The following P2RX3 variants were observed in gnomAD, a reference collection of about 807,000 sequenced individuals.
P2RX3 encodes P2X purinoceptor 3.
A neutral mutation model predicts 51.5 loss-of-function variants in P2RX3; 41 were observed. That is an observed-to-expected ratio of 0.80 (90% CI 0.62 to 1.03). The LOEUF is 1.03. Ranked by LOEUF, P2RX3 falls within the 50% of genes least tolerant of loss-of-function variation. The pLI, the probability that P2RX3 is intolerant of heterozygous loss-of-function variation, is 0.00. For missense variants in P2RX3, 459 were observed against 522.1 expected, an observed-to-expected ratio of 0.88 and a Z score of 1.18; for synonymous variants, 185 against 191.6, an observed-to-expected ratio of 0.97 and a Z score of 0.29.
chr11:57,369,253 A>T, intron 10 of P2RX3, 108 bp from the exon 11 acceptor site: 2 of 884,934 alleles, frequency 2.3e-6, no homozygotes, highest in Non-Finnish European at 3.6e-6. Flanking sequence ...TGTCCTGCCC[A>T]CTGTTTAGGC....
intron 8 of P2RX3, among the ~76,000 whole-genome samples, chr11:57,357,178 AGGCGTGGTG>A (rs199967135): frequency 0.018 from 2,815 of 152,270 alleles, 37 homozygotes; most frequent in Middle Eastern, 0.034. Context: ...AAAATCAGCC[AGGCGTGGTG>A]GCACGCACCT....
At chr11:57,359,317 C>A (rs1166723285) in intron 8 of P2RX3, among the ~76,000 whole-genome samples, 1 of 151,964 alleles carries the variant, frequency 6.6e-6, no homozygotes, top group Non-Finnish European at 1.5e-5. Flanking sequence ...TCCCCAGAAA[C>A]CAGGGGGGAG....
At chr11:57,340,468 GCAGCC>G (rs1260065343) in intron 1 of P2RX3, 1 of 152,414 alleles carries the variant, frequency 6.6e-6, no homozygotes, top group African/African-American at 2.4e-5. Context: ...AGCGCCCTCT[GCAGCC>G]CAGCCCCCTG....
intron 2 of P2RX3, 85 bp downstream of exon 2, chr11:57,346,764 G>C (rs1856441885): frequency 2.0e-6 from 3 of 1,531,454 alleles, no homozygotes; most frequent in Non-Finnish European, 2.6e-6. Flanking sequence ...GAGTGCCAAT[G>C]GGATTCCCAA....
At chr11:57,339,850 A>G (rs1418209088) in intron 1 of P2RX3, among the ~76,000 whole-genome samples, 1 of 152,026 alleles carries the variant, frequency 6.6e-6, no homozygotes, top group Non-Finnish European at 1.5e-5. Context: ...GTGTGGAGGG[A>G]AAGGTGGCTA....
chr11:57,363,829 T>C (rs1251820555), intron 8 of P2RX3, among the ~76,000 whole-genome samples: 2 of 152,092 alleles, frequency 1.3e-5, no homozygotes, highest in African/African-American at 2.4e-5. Context: ...TGAGCTCTGT[T>C]CCTCCTCCCT....
At chr11:57,346,179 C>T (rs1348405441) in intron 1 of P2RX3, among the ~76,000 whole-genome samples, 2 of 152,192 alleles carry the variant, frequency 1.3e-5, no homozygotes, top group Admixed American at 1.3e-4. Flanking sequence ...GCCATGCATT[C>T]TCAATGGGGC....
At chr11:57,352,490 G>T (rs995436275) in intron 8 of P2RX3, among the ~76,000 whole-genome samples, 2 of 152,156 alleles carry the variant, frequency 1.3e-5, no homozygotes, top group African/African-American at 4.8e-5. Context: ...AAATTCTCAT[G>T]ATCTAAAATG....
chr11:57,354,880 G>T (rs1329361826), intron 8 of P2RX3, among the ~76,000 whole-genome samples: 1 of 152,220 alleles, frequency 6.6e-6, no homozygotes, highest in Admixed American at 6.5e-5. Flanking sequence ...TGTTTCAAAG[G>T]TGTGGGCAGG....
Position 57,369,923 on chromosome 11 carries a change from C to G in P2RX3, c.1120C>G (p.Pro374Ala). 6.2e-7 allele frequency: 1 copy of G among 1,614,090 alleles called. No individual in the cohort carries two copies. The highest frequency in any genetic ancestry group is 1.1e-5 in the South Asian group (1 of 91,082). ...TTLKIAALTN[P>A]VYPSDQTTAE... ...GCTGAAAATCGCGGCTTTGACCAACCCAGTGTACCCCAGCGACCAGACCAC... is the reference window on the plus strand; with the variant it reads ...GCTGAAAATCGCGGCTTTGACCAACGCAGTGTACCCCAGCGACCAGACCAC... The change falls in exon 12 of 12, where the codon CCA becomes GCA. Residue 374 changes from proline to alanine, a missense_variant. Transcript: ENST00000263314.
intron 8 of P2RX3, among the ~76,000 whole-genome samples, chr11:57,352,759 A>T (rs1590630943): frequency 6.6e-6 from 1 of 152,184 alleles, no homozygotes; most frequent in East Asian, 1.9e-4. Flanking sequence ...CCTGGTCCTA[A>T]ATAAGCTTGG....
At chr11:57,342,553 G>T (rs1856361360) in intron 1 of P2RX3, among the ~76,000 whole-genome samples, 1 of 152,042 alleles carries the variant, frequency 6.6e-6, no homozygotes. Context: ...TAGAGCACTT[G>T]GTTAGAAGCC....
intron 4 of P2RX3, among the ~76,000 whole-genome samples, chr11:57,347,820 G>A (rs1856469227): frequency 6.6e-6 from 1 of 152,156 alleles, no homozygotes; most frequent in Non-Finnish European, 1.5e-5. Context: ...CATTTGGGAT[G>A]GTCCCTGAAG....
chr11:57,363,674 G>T (rs1336256464), intron 8 of P2RX3, among the ~76,000 whole-genome samples: 1 of 152,216 alleles, frequency 6.6e-6, no homozygotes, highest in Non-Finnish European at 1.5e-5. Context: ...TCTGCAAAGA[G>T]AGGAGATAAC....
chr11:57,364,637 G>T (rs1360954492), intron 8 of P2RX3, among the ~76,000 whole-genome samples: 1 of 152,112 alleles, frequency 6.6e-6, no homozygotes, highest in East Asian at 1.9e-4. Flanking sequence ...GGAGAATTAT[G>T]TTCTTAGGCC....
chr11:57,367,443 G>A (rs991319288), intron 8 of P2RX3, among the ~76,000 whole-genome samples: 2 of 152,150 alleles, frequency 1.3e-5, no homozygotes, highest in South Asian at 2.1e-4. Flanking sequence ...AGTTCTGGCC[G>A]GACGCGGTGG....
At chr11:57,349,997 C>T (rs1417686828) in intron 7 of P2RX3, 99 bp downstream of exon 7, 3 of 1,515,196 alleles carry the variant, frequency 2.0e-6, no homozygotes, top group African/African-American at 2.7e-5. Context: ...GGAGCCGCCG[C>T]GAGACAGCGC....
chr11:57,342,681 G>A (rs1369081028), intron 1 of P2RX3, among the ~76,000 whole-genome samples: 2 of 152,092 alleles, frequency 1.3e-5, no homozygotes, highest in Non-Finnish European at 2.9e-5. Flanking sequence ...TTATAGGGAG[G>A]GGAGGTAACA....
chr11:57,346,371 C>T (rs1039899763), intron 1 of P2RX3, among the ~76,000 whole-genome samples, 173 bp from the exon 2 acceptor site: 1 of 152,184 alleles, frequency 6.6e-6, no homozygotes, highest in Non-Finnish European at 1.5e-5. Context: ...GGTGGAGAAA[C>T]GCTATTCTAA....
Sources: gnomAD v4.1 joint callset for allele counts (sites outside exome capture counted in the v4.1 genomes callset) on GRCh38, gnomAD v4.1.1 for gene constraint, MANE v1.5 for transcripts, NCBI Gene and HGNC (gene_info 2026-07-23, HGNC 2026-07-21) for gene names.